The following CCNJ variants were observed in gnomAD, a reference collection of about 807,000 sequenced individuals.
CCNJ encodes the protein cyclin J.
Under a neutral mutation model 41.4 loss-of-function variants are expected in CCNJ, and 12 were observed. The observed-to-expected ratio is 0.29, with a 90% CI of 0.19 to 0.47. The LOEUF (loss-of-function observed/expected upper bound fraction) is 0.47, where lower values mean the gene tolerates loss of function less well. Ranked by LOEUF, CCNJ falls within the 20% of genes least tolerant of loss-of-function variation. The pLI, the probability that CCNJ is intolerant of heterozygous loss-of-function variation, is 1.00. For missense variants in CCNJ, 340 were observed against 464.6 expected, an observed-to-expected ratio of 0.73 and a Z score of 2.47; for synonymous variants, 161 against 173.4, an observed-to-expected ratio of 0.93 and a Z score of 0.56.
chr10:96,058,398 C>G lies in CCNJ; in HGVS notation c.*157C>G. 1.7e-6 allele frequency: 1 copy of G among 604,604 alleles called. No homozygotes were observed. 37.5% of individuals were successfully genotyped at this position (604,604 alleles called of 1,614,324 possible). Reference sequence around the variant, plus strand: ...AGACTGAATATCCTTTTTAATGCACCATGAATCCTGGGAGACTAAGCAAAT... The same window carrying G: ...AGACTGAATATCCTTTTTAATGCACGATGAATCCTGGGAGACTAAGCAAAT... On this transcript the variant is annotated 3_prime_UTR_variant, in exon 6 of 6. Transcript: ENST00000465148.
At chr10:96,045,830 A>G (rs541451195) in intron 2 of CCNJ, among the ~76,000 whole-genome samples, 70 of 152,232 alleles carry the variant, frequency 4.6e-4, no homozygotes, top group Admixed American at 1.0e-3. Context: ...GTTGATATTA[A>G]GAGTACTTTT....
chr10:96,052,466 C>CTAT (rs1324710723), intron 3 of CCNJ, among the ~76,000 whole-genome samples: 1 of 152,222 alleles, frequency 6.6e-6, no homozygotes, highest in Non-Finnish European at 1.5e-5. Flanking sequence ...AGCACCTGCT[C>CTAT]TATGCCTGTG....
chr10:96,053,308 C>CT (rs1234636134), intron 3 of CCNJ, among the ~76,000 whole-genome samples: 1 of 152,062 alleles, frequency 6.6e-6, no homozygotes, highest in Non-Finnish European at 1.5e-5. Context: ...CAGGTTATTT[C>CT]TTTATAAGAT....
chr10:96,058,465 C>T lies in CCNJ; in HGVS notation c.*224C>T. 1 of 516,678 alleles carries T rather than the reference C, an allele frequency of 1.9e-6. No individual in the cohort carries two copies. Among genetic ancestry groups the T allele is most frequent in the South Asian group, 3.4e-5 (1 of 29,158 alleles). The allele number at this position is 516,678 out of a possible 1,614,324, so 32.0% of individuals were successfully genotyped here. On this transcript the variant is annotated 3_prime_UTR_variant, in exon 6 of 6. Transcript: ENST00000465148. ...TCTGTTACAACAAATCCCTGTATGA[C>T]AAAAATGTTCAAGTCCTGGCTGATG...
In CCNJ at chr10:96,058,001, T is replaced by G. The variant is rs771786813; in HGVS notation, c.912T>G (p.Pro304=). The change falls in exon 6 of 6, where the codon CCT becomes CCG. Residue 304 remains proline, a synonymous_variant. Transcript: ENST00000465148. ...THQTSLQYRH[P]TSEQPSCQQI... ...AGACCTCACTGCAGTATCGCCATCCTACGTCAGAACAACCAAGCTGTCAGC... is the reference window on the plus strand; with the variant it reads ...AGACCTCACTGCAGTATCGCCATCCGACGTCAGAACAACCAAGCTGTCAGC... 1.9e-6 allele frequency: 3 copies of G among 1,614,152 alleles called. No homozygotes were observed. The East Asian group carries it at 6.7e-5, about 36-fold the overall frequency.
In CCNJ at chr10:96,058,461, A is replaced by G. The variant is rs111440138; in HGVS notation, c.*220A>G. On this transcript the variant is annotated 3_prime_UTR_variant, in exon 6 of 6. Coordinates refer to ENST00000465148, the MANE Select transcript of CCNJ (RefSeq NM_001134375.2). ...AAATTCTGTTACAACAAATCCCTGT[A>G]TGACAAAAATGTTCAAGTCCTGGCT... 28 of 519,602 alleles carry G rather than the reference A, an allele frequency of 5.4e-5. No individual in the cohort carries two copies. Among genetic ancestry groups the G allele is most frequent in the Middle Eastern group, 4.8e-4 (1 of 2,068 alleles). 32.2% of individuals were successfully genotyped at this position (519,602 alleles called of 1,614,324 possible).
At chr10:96,045,722 G>A (rs2080344355) in intron 2 of CCNJ, among the ~76,000 whole-genome samples, 1 of 151,184 alleles carries the variant, frequency 6.6e-6, no homozygotes, top group Admixed American at 6.6e-5. Context: ...AATGTGAAAT[G>A]TTTTCTTTTT....
Position 96,057,930 on chromosome 10 carries a change from C to G in CCNJ, c.841C>G (p.Arg281Gly), listed in dbSNP as rs147719412. Residue 281 changes from arginine (R) to glycine (G), a missense_variant, in exon 6 of 6, where the codon CGG becomes GGG. Physicochemically the swap from Arg to Gly is moderately radical, Grantham distance 125. Coordinates refer to ENST00000465148, the MANE Select transcript of CCNJ (RefSeq NM_001134375.2). ...SVFQTASQPS[R>G]PVHFQQPQYL... is the part of the protein sequence containing the mutation. Reference sequence around the variant, plus strand: ...ATTCCAGACAGCCTCCCAGCCATCACGGCCAGTTCACTTTCAGCAACCTCA... The same window carrying G: ...ATTCCAGACAGCCTCCCAGCCATCAGGGCCAGTTCACTTTCAGCAACCTCA... The G allele has an allele frequency of 6.2e-7, 1 of 1,614,188 alleles. No homozygotes were observed. Among genetic ancestry groups the G allele is most frequent in the East Asian group, 2.2e-5 (1 of 44,888 alleles).
Position 96,058,206 on chromosome 10 carries a change from C to A in CCNJ, c.1117C>A (p.His373Asn), listed in dbSNP as rs1400249269. 1.2e-6 allele frequency: 2 copies of A among 1,613,896 alleles called. No individual in the cohort carries two copies. The highest frequency in any genetic ancestry group is 1.7e-6 in the Non-Finnish European group (2 of 1,179,930). Residue 373 changes from histidine to asparagine, a missense_variant, in exon 6 of 6, where the codon CAT becomes AAT. His to Asn is a moderately conservative substitution (Grantham distance 68). This residue lies in a region of CCNJ where 159 missense variants were observed against 168.2 expected (regional missense o/e 0.95). Coordinates refer to ENST00000465148, the MANE Select transcript of CCNJ (RefSeq NM_001134375.2). Reference protein sequence around the residue: ...SYNRSYQINEHYPCITPCFER With the variant: ...SYNRSYQINENYPCITPCFER ...CAACCGGAGTTATCAGATAAATGAA[C>A]ATTACCCTTGTATTACTCCATGTTT...
At chr10:96,050,856 G>A (rs757199961) in intron 3 of CCNJ, among the ~76,000 whole-genome samples, 1 of 152,182 alleles carries the variant, frequency 6.6e-6, no homozygotes, top group Non-Finnish European at 1.5e-5. Flanking sequence ...GGGAACACTT[G>A]GCAACGTGTA....
chr10:96,059,028 A>C lies in CCNJ; in HGVS notation c.*787A>C, dbSNP rs1339042589. The stretch of plus-strand genomic sequence containing the variant: ...CCTTGGGAATGTTATAGTGTGAACT[A>C]CCTTTATAACATAGGTTAAAATACG... On this transcript the variant is annotated 3_prime_UTR_variant, in exon 6 of 6. Transcript: ENST00000465148. The C allele has an allele frequency of 2.6e-5, 4 of 152,708 alleles. No individual in the cohort carries two copies. Among genetic ancestry groups the C allele is most frequent in the Non-Finnish European group, 4.4e-5 (3 of 68,060 alleles). 9.5% of individuals were successfully genotyped at this position (152,708 alleles called of 1,614,324 possible). A position where few individuals can be genotyped will look rare whatever the true frequency, so the allele number is the denominator to read the frequency against.
intron 2 of CCNJ, among the ~76,000 whole-genome samples, chr10:96,049,466 TTTC>T (rs2080458032): frequency 9.3e-6 from 1 of 107,538 alleles, no homozygotes; most frequent in Admixed American, 9.4e-5. Flanking sequence ...CCATTTCTCT[TTTC>T]TTTTTCTTTT....
rs1208695217 is a variant in CCNJ at position 96,059,763 on chromosome 10, A to T, written c.*1522A>T. On this transcript the variant is annotated 3_prime_UTR_variant, in exon 6 of 6. Transcript: ENST00000465148. ...TACTATAAAGATGTTGTGGGTATGCAGCAGGAGTCTCAGTAATCAAGCCAA... is the reference window on the plus strand; with the variant it reads ...TACTATAAAGATGTTGTGGGTATGCTGCAGGAGTCTCAGTAATCAAGCCAA... 6.5e-6 allele frequency: 1 copy of T among 152,674 alleles called. No individual in the cohort carries two copies. The highest frequency in any genetic ancestry group is 1.5e-5 in the Non-Finnish European group (1 of 68,050). The allele number at this position is 152,674 out of a possible 1,614,324, so 9.5% of individuals were successfully genotyped here.
At chr10:96,046,301 C>T (rs2142027299) in intron 2 of CCNJ, among the ~76,000 whole-genome samples, 1 of 152,314 alleles carries the variant, frequency 6.6e-6, no homozygotes, top group East Asian at 1.9e-4. Context: ...TTATGCAAAC[C>T]ATGGTTCTTA....
intron 2 of CCNJ, among the ~76,000 whole-genome samples, chr10:96,046,290 A>G (rs781497502): frequency 6.6e-6 from 1 of 152,224 alleles, no homozygotes; most frequent in Non-Finnish European, 1.5e-5. Flanking sequence ...ATGTTTAAGC[A>G]TTATGCAAAC....
intron 1 of CCNJ, among the ~76,000 whole-genome samples, chr10:96,044,097 C>T (rs1312723948): frequency 6.6e-6 from 1 of 152,242 alleles, no homozygotes; most frequent in African/African-American, 2.4e-5. Flanking sequence ...TTTGGCAACT[C>T]AGGGCCCGAG....
chr10:96,051,943 T>G (rs891442454), intron 3 of CCNJ, among the ~76,000 whole-genome samples: 1 of 152,180 alleles, frequency 6.6e-6, no homozygotes, highest in African/African-American at 2.4e-5. Flanking sequence ...AATGTAGTGT[T>G]TAGAATCTTT....
intron 3 of CCNJ, among the ~76,000 whole-genome samples, chr10:96,052,287 G>T (rs1042702988): frequency 1.1e-4 from 17 of 152,226 alleles, no homozygotes; most frequent in Non-Finnish European, 2.9e-5. Flanking sequence ...CAGTTTAGAT[G>T]TGTGAGTCCA....
chr10:96,044,374 T>C lies in CCNJ; in HGVS notation c.-20T>C. 1 of 1,511,816 alleles carries C rather than the reference T, an allele frequency of 6.6e-7. No homozygotes were observed. Among genetic ancestry groups the C allele is most frequent in the Non-Finnish European group, 8.9e-7 (1 of 1,122,678 alleles). The allele number at this position is 1,511,816 out of a possible 1,614,324, so 93.7% of individuals were successfully genotyped here. On this transcript the variant is annotated 5_prime_UTR_variant, in exon 2 of 6. Transcript: ENST00000465148. ...ACAGACTCGAGTTGCCGCGTCGGGC[T>C]GGGCGCGCCGCCGGGTCCCATGGAG...
Sources: allele counts gnomAD v4.1 joint callset (sites outside exome capture counted in the v4.1 genomes callset), GRCh38; gene constraint gnomAD v4.1.1; regional missense constraint gnomAD v4.1.1; transcripts MANE v1.5; gene names NCBI Gene and HGNC (gene_info 2026-07-23, HGNC 2026-07-21).